SPAG16: variants seen among roughly 807,000 people sequenced by gnomAD.
The protein encoded by SPAG16 is sperm-associated antigen 16 protein.
A neutral mutation model predicts 80.4 loss-of-function variants in SPAG16; 86 were observed. That is an observed-to-expected ratio of 1.07 (90% CI 0.90 to 1.28). The LOEUF (loss-of-function observed/expected upper bound fraction) is 1.28. Ranked by LOEUF, SPAG16 falls within the 50% of genes most tolerant of loss-of-function variation. SPAG16 has a pLI of 0.00. For synonymous variants in SPAG16, 294 were observed against 265.9 expected (o/e 1.11, Z -1.03); for missense variants, 870 against 765.3 (o/e 1.14, Z -1.61).
In SPAG16 at chr2:214,214,198, T is replaced by TTTTTTTTG. The variant is rs1164264413; in HGVS notation, c.1720+64932_1720+64933insTTTTTTTG. On this transcript the variant is annotated intron_variant, in intron 15 of 15. Coordinates refer to ENST00000331683, the MANE Select transcript of SPAG16 (RefSeq NM_024532.5). Reference sequence around the variant, plus strand: ...CCTTCCTTTTTACTTTTTTTTTTTTTGAGACAGAGTCACCCACGCTGGAAT... The same window carrying TTTTTTTTG: ...CCTTCCTTTTTACTTTTTTTTTTTTTTTTTTTTGGAGACAGAGTCACCCACGCTGGAAT... Among the ~76,000 whole-genome samples, 524 of 151,534 alleles carry TTTTTTTTG rather than the reference T, an allele frequency of 3.5e-3. 3 individuals are homozygous for TTTTTTTTG. Among genetic ancestry groups the TTTTTTTTG allele is most frequent in the African/African-American group, 0.012 (487 of 41,194 alleles).
intron 10 of SPAG16, among the ~76,000 whole-genome samples, chr2:213,824,318 A>G (rs979918752): frequency 1.3e-5 from 2 of 152,178 alleles, no homozygotes; most frequent in Non-Finnish European, 2.9e-5. Context: ...TCTTTGCCCA[A>G]TGCAATGACC....
At chr2:214,400,558 T>A (rs906921242) in intron 15 of SPAG16, among the ~76,000 whole-genome samples, 1 of 151,884 alleles carries the variant, frequency 6.6e-6, no homozygotes, top group Non-Finnish European at 1.5e-5. Context: ...ATCTGAAGAG[T>A]TTGGTATCTG....
rs569927264 is a variant in SPAG16, at chr2:213,298,699, C to G, written c.279+1342C>G. Reference sequence around the variant, plus strand: ...TTGAGGAAGAAATACATTGTAGTAGCTGTTGTATCTACTGAGCCAAATATC... The same window carrying G: ...TTGAGGAAGAAATACATTGTAGTAGGTGTTGTATCTACTGAGCCAAATATC... On this transcript the variant is annotated intron_variant, in intron 3 of 15. Coordinates refer to ENST00000331683, the MANE Select transcript of SPAG16 (RefSeq NM_024532.5). Among the ~76,000 whole-genome samples, 4 of 152,298 alleles carry G rather than the reference C, an allele frequency of 2.6e-5. No individual in the cohort carries two copies. In the South Asian group the frequency reaches 8.3e-4, roughly 32 times the overall value.
intron 4 of SPAG16, among the ~76,000 whole-genome samples, chr2:213,316,993 G>A (rs969298205): frequency 2.0e-5 from 3 of 151,998 alleles, no homozygotes; most frequent in Admixed American, 1.3e-4. Flanking sequence ...CTGGAACATA[G>A]GAGATGTTCA....
chr2:213,588,202 C>T (rs988410784), intron 10 of SPAG16, among the ~76,000 whole-genome samples: 1 of 151,860 alleles, frequency 6.6e-6, no homozygotes, highest in African/African-American at 2.4e-5. Context: ...ATATATTAAG[C>T]ATCAAAGACA....
chr2:213,762,121 C>G (rs34836461), intron 10 of SPAG16, among the ~76,000 whole-genome samples: 50,996 of 151,894 alleles, frequency 0.34, 9,757 homozygotes, highest in East Asian at 0.58. Context: ...ATCTCAATTG[C>G]AGAAGAAAAA....
Position 213,909,938 on chromosome 2 carries a change from A to C in SPAG16, c.1215-20022A>C, listed in dbSNP as rs1163585258. Among the ~76,000 whole-genome samples, 4 of 152,324 alleles carry C rather than the reference A, an allele frequency of 2.6e-5. No individual in the cohort carries two copies. In the South Asian group the frequency reaches 8.3e-4, roughly 32 times the overall value. ...ATTGGAGGGTTTTCACAAACTGTAC[A>C]TTAAAGGTATCTCAAATATGCCTTA... On this transcript the variant is annotated intron_variant, in intron 11 of 15. Transcript: ENST00000331683.
chr2:213,395,919 A>G (rs1419128671), intron 9 of SPAG16, among the ~76,000 whole-genome samples: 2 of 152,178 alleles, frequency 1.3e-5, no homozygotes, highest in Non-Finnish European at 2.9e-5. Flanking sequence ...TTTTATTCAG[A>G]TAATTGCTGT....
intron 10 of SPAG16, among the ~76,000 whole-genome samples, chr2:213,809,918 GA>G (rs1286413658): frequency 6.6e-6 from 1 of 152,130 alleles, no homozygotes; most frequent in African/African-American, 2.4e-5. Context: ...AGAAGGATGG[GA>G]TTCATGGTAT....
At chr2:213,708,987 G>C (rs931132004) in intron 10 of SPAG16, among the ~76,000 whole-genome samples, 22 of 152,236 alleles carry the variant, frequency 1.4e-4, no homozygotes, top group African/African-American at 5.1e-4. Flanking sequence ...GGCCTATCCT[G>C]TTTAGACTAA....
intron 15 of SPAG16, among the ~76,000 whole-genome samples, chr2:214,335,195 G>A (rs776874691): frequency 1.6e-4 from 25 of 152,094 alleles, no homozygotes; most frequent in Non-Finnish European, 2.6e-4. Flanking sequence ...GTCAGTGGAT[G>A]CCTAACAATG....
intron 1 of SPAG16, among the ~76,000 whole-genome samples, chr2:213,290,244 C>G (rs1281123946): frequency 6.6e-6 from 1 of 152,198 alleles, no homozygotes; most frequent in South Asian, 2.1e-4. Context: ...ATGAAACTCA[C>G]GAGTGCTACT....
intron 9 of SPAG16, among the ~76,000 whole-genome samples, chr2:213,444,305 G>T (rs1279585509): frequency 6.6e-6 from 1 of 152,054 alleles, no homozygotes; most frequent in Non-Finnish European, 1.5e-5. Context: ...TGTGGCATAT[G>T]TGTGTCTCAG....
At position 213,440,556 on chromosome 2, in the gene SPAG16, AAACAACAACAAC is replaced by A. The variant is rs368614647; in HGVS notation, c.943-49389_943-49378del. ...GGTGACAGAGCGAGACTCCATCTCAAAACAACAACAACAACAACAACAACAACAAATAGTCAA... is the reference window on the plus strand; with the variant it reads ...GGTGACAGAGCGAGACTCCATCTCAAAACAACAACAACAACAAATAGTCAA... On this transcript the variant is annotated intron_variant, in intron 9 of 15. Coordinates refer to ENST00000331683, the MANE Select transcript of SPAG16 (RefSeq NM_024532.5). Among the ~76,000 whole-genome samples, 29 of 151,736 alleles carry A rather than the reference AAACAACAACAAC, an allele frequency of 1.9e-4. No homozygotes were observed. The East Asian group carries it at 1.9e-3, about 10-fold the overall frequency.
At chr2:213,517,976 G>A (rs1027919300) in intron 10 of SPAG16, among the ~76,000 whole-genome samples, 1 of 152,086 alleles carries the variant, frequency 6.6e-6, no homozygotes, top group African/African-American at 2.4e-5. Flanking sequence ...AAATAGAAGA[G>A]TTTCTGTACA....
intron 8 of SPAG16, among the ~76,000 whole-genome samples, chr2:213,373,951 C>T (rs2066765757): frequency 6.6e-6 from 1 of 152,006 alleles, no homozygotes; most frequent in African/African-American, 2.4e-5. Flanking sequence ...AAATATTTTC[C>T]CTTAATCTCA....
chr2:213,504,011 G>T (rs556517495), intron 10 of SPAG16, among the ~76,000 whole-genome samples: 1 of 152,190 alleles, frequency 6.6e-6, no homozygotes, highest in Non-Finnish European at 1.5e-5. Context: ...TGGGAGTGGT[G>T]CAGGGTGCAG....
chr2:214,406,226 C>A (rs1701991862), intron 15 of SPAG16, among the ~76,000 whole-genome samples: 1 of 152,140 alleles, frequency 6.6e-6, no homozygotes, highest in Non-Finnish European at 1.5e-5. Context: ...TAGGTGTACA[C>A]TGTCAAAATC....
At chr2:214,351,502 C>G (rs900272494) in intron 15 of SPAG16, among the ~76,000 whole-genome samples, 1 of 151,150 alleles carries the variant, frequency 6.6e-6, no homozygotes, top group Non-Finnish European at 1.5e-5. Context: ...GAGATCGAGA[C>G]CATCCTGGCT....
Sources: gnomAD v4.1 joint callset for allele counts (sites outside exome capture counted in the v4.1 genomes callset) on GRCh38, gnomAD v4.1.1 for gene constraint, MANE v1.5 for transcripts, NCBI Gene and HGNC (gene_info 2026-07-23, HGNC 2026-07-21) for gene names.